Variants in ACOT11 observed in about 807,000 individuals in gnomAD.
ACOT11 encodes the protein acyl-coenzyme A thioesterase 11.
ACOT11 carries 69 observed loss-of-function variants against 77.5 expected under a neutral mutation model. That is an observed-to-expected ratio of 0.89 (90% CI 0.73 to 1.09). The LOEUF is 1.09. ACOT11 is among the 50% of genes least tolerant of loss of function. The pLI, the probability that ACOT11 is intolerant of heterozygous loss-of-function variation, is 0.00. For synonymous variants in ACOT11, 279 were observed against 313.0 expected (o/e 0.89, Z 1.15); for missense variants, 766 against 813.7 (o/e 0.94, Z 0.71).
At chr1:54,572,191 GCCTTT>G (rs60885921) in intron 1 of ACOT11, among the ~76,000 whole-genome samples, 21,449 of 151,664 alleles carry the variant, frequency 0.14, 1,917 homozygotes, top group Non-Finnish European at 0.2. Flanking sequence ...TGTCTTTGAC[GCCTTT>G]CCTTTCTCTC....
chr1:54,550,659 C>T (rs1477748770), intron 1 of ACOT11, among the ~76,000 whole-genome samples: 7 of 147,472 alleles, frequency 4.7e-5, no homozygotes, highest in Admixed American at 1.3e-4. Context: ...ACCAAAAATA[C>T]GAAAAAAAAA....
chr1:54,569,090 A>G (rs2100959233), intron 1 of ACOT11, among the ~76,000 whole-genome samples: 1 of 151,838 alleles, frequency 6.6e-6, no homozygotes, highest in East Asian at 1.9e-4. Flanking sequence ...CAGCCTGGGC[A>G]ATAGACAGAG....
chr1:54,554,544 A>G (rs918955002), intron 1 of ACOT11, among the ~76,000 whole-genome samples: 1 of 150,438 alleles, frequency 6.6e-6, no homozygotes, highest in African/African-American at 2.5e-5. Flanking sequence ...TTTTGTAGAG[A>G]TGGGTTCTCT....
rs11811633 is a variant in ACOT11, at chr1:54,580,457, T to G, written c.34-4198T>G. ...TCCTCTGTCTCCACCCATCCAGGTATGTAGAGCATTTTCCCACCTGCTCTC... is the reference window on the plus strand; with the variant it reads ...TCCTCTGTCTCCACCCATCCAGGTAGGTAGAGCATTTTCCCACCTGCTCTC... On this transcript the variant is annotated intron_variant, in intron 1 of 15. Transcript: ENST00000343744. Among the ~76,000 whole-genome samples, 3 of 152,190 alleles carry G rather than the reference T, an allele frequency of 2.0e-5. No homozygotes were observed. In the East Asian group the frequency reaches 5.8e-4, roughly 29 times the overall value.
chr1:54,581,910 C>T (rs1654323379), intron 1 of ACOT11, among the ~76,000 whole-genome samples: 1 of 152,192 alleles, frequency 6.6e-6, no homozygotes, highest in Non-Finnish European at 1.5e-5. Context: ...CCTGGCATGC[C>T]CTAATGTGGG....
chr1:54,567,173 A>G (rs972501300), intron 1 of ACOT11, among the ~76,000 whole-genome samples: 1 of 151,832 alleles, frequency 6.6e-6, no homozygotes, highest in Non-Finnish European at 1.5e-5. Flanking sequence ...CTTGTCCCCT[A>G]CTTATTTCTA....
chr1:54,626,807 A>C (rs1169223957), intron 15 of ACOT11, among the ~76,000 whole-genome samples: 2 of 135,182 alleles, frequency 1.5e-5, no homozygotes, highest in Non-Finnish European at 3.4e-5. Context: ...TCATTTTGGA[A>C]CTGCTGCTTA....
At chr1:54,595,997 G>T (rs971896007) in intron 6 of ACOT11, among the ~76,000 whole-genome samples, 6 of 152,204 alleles carry the variant, frequency 3.9e-5, no homozygotes, top group Non-Finnish European at 8.8e-5. Flanking sequence ...GGGAGGCCCA[G>T]CTCTTCCTAC....
At chr1:54,619,825 C>T (rs776582290) in intron 15 of ACOT11, 7 of 1,606,620 alleles carry the variant, frequency 4.4e-6, no homozygotes, top group East Asian at 2.2e-5. Context: ...TTCTCTATCC[C>T]TTGCCCTGGC....
At chr1:54,637,311 C>CATCTCTCTCTACTAAAAATACAAAA (rs1205721643) in exon 17 of ACOT11, 1 of 152,096 alleles carries the variant, frequency 6.6e-6, no homozygotes, top group African/African-American at 2.4e-5. Flanking sequence ...GGTGAAACCC[C>CATCTCTCTCTACTAAAAATACAAAA]TTCTCTACTA....
chr1:54,631,442 C>T (rs545471087), intron 16 of ACOT11, among the ~76,000 whole-genome samples: 1 of 152,254 alleles, frequency 6.6e-6, no homozygotes, highest in East Asian at 1.9e-4. Context: ...CAGATGATTC[C>T]TACTGACTGG....
chr1:54,589,458 T>G (rs966444996), intron 3 of ACOT11, among the ~76,000 whole-genome samples: 2 of 152,072 alleles, frequency 1.3e-5, no homozygotes, highest in Admixed American at 6.6e-5. Context: ...TTTGTTTTTA[T>G]TTTGTTTGCT....
chr1:54,572,453 C>G (rs575007054), intron 1 of ACOT11, among the ~76,000 whole-genome samples: 3 of 152,078 alleles, frequency 2.0e-5, no homozygotes, highest in Non-Finnish European at 4.4e-5. Flanking sequence ...GGGAAGAGGC[C>G]GGGTCTGTCC....
chr1:54,586,812 A>T (rs1435645123), intron 3 of ACOT11, among the ~76,000 whole-genome samples: 1 of 151,980 alleles, frequency 6.6e-6, no homozygotes, highest in Non-Finnish European at 1.5e-5. Context: ...TTGCCTCCCC[A>T]TAGCTTTGCC....
At chr1:54,579,469 GGCAGGA>G (rs112091478) in intron 1 of ACOT11, among the ~76,000 whole-genome samples, 14,597 of 152,176 alleles carry the variant, frequency 0.096, 1,583 homozygotes, top group African/African-American at 0.26. Flanking sequence ...AATGTTGACA[GGCAGGA>G]ATACTCCTGC....
chr1:54,553,504 T>G (rs1042843662), intron 1 of ACOT11, among the ~76,000 whole-genome samples: 11 of 152,128 alleles, frequency 7.2e-5, no homozygotes, highest in East Asian at 3.9e-4. Context: ...ACAGGTAATA[T>G]TCTATGTTTT....
chr1:54,610,654 C>T, downstream of ACOT11: 1 of 1,503,408 alleles, frequency 6.7e-7, no homozygotes, highest in Non-Finnish European at 8.9e-7. Context: ...CGGGCATCCT[C>T]TCTAAGCCTC....
In ACOT11 at chr1:54,584,699, C is replaced by A. The variant is rs747816753; in HGVS notation, c.78C>A (p.Ala26=). 3 of 1,614,212 alleles carry A rather than the reference C, an allele frequency of 1.9e-6. No homozygotes were observed. The Admixed American group carries it at 5.0e-5, about 27-fold the overall frequency. Reference sequence around the variant, plus strand: ...CCAACCGCACATCCCGGAAGTCAGCCTTACGTGCGGGGAACGACAGTGCCA... The same window carrying A: ...CCAACCGCACATCCCGGAAGTCAGCATTACGTGCGGGGAACGACAGTGCCA... ...VFSNRTSRKS[A]LRAGNDSAMA... Residue 26 remains alanine (A), a synonymous_variant, in exon 2 of 16, where the codon GCC becomes GCA. Coordinates refer to ENST00000343744, the MANE Select transcript of ACOT11 (RefSeq NM_147161.4). The surrounding 1 kb of genome is among the most constrained non-coding windows in gnomAD (Gnocchi z 6.3).
rs544190628 is a variant in ACOT11 at position 54,630,012 on chromosome 1, G to A, written c.1630-722G>A. Among the ~76,000 whole-genome samples, 13 of 134,064 alleles carry A rather than the reference G, an allele frequency of 9.7e-5. 2 individuals carry two copies. The South Asian group carries it at 3.0e-3, about 31-fold the overall frequency. 88.0% of individuals were successfully genotyped at this position (134,064 alleles called of 152,430 possible). A position where few individuals can be genotyped will look rare whatever the true frequency, so the allele number is the denominator to read the frequency against. On this transcript the variant is annotated intron_variant, in intron 15 of 16. Transcript: ENST00000371316. ...CCTCCCGGGTTCACGCCATTCTCCT[G>A]CCTCAACCTCCTGAGTAGCTGGGAC... is the stretch of plus-strand genomic sequence containing the variant.
Sources: allele counts gnomAD v4.1 joint callset (sites outside exome capture counted in the v4.1 genomes callset), GRCh38; gene constraint gnomAD v4.1.1; non-coding constraint Gnocchi (gnomAD v3.1); transcripts MANE v1.5; gene names NCBI Gene and HGNC (gene_info 2026-07-23, HGNC 2026-07-21).